RPL38: variants seen among roughly 807,000 people sequenced by gnomAD.
The protein encoded by RPL38 is ribosomal protein L38, also known as large ribosomal subunit protein eL38.
A neutral mutation model predicts 12.8 loss-of-function variants in RPL38; 2 were observed. The ratio of observed to expected loss-of-function variants is 0.16; its 90% confidence interval spans 0.06 to 0.49. The LOEUF (loss-of-function observed/expected upper bound fraction) is 0.49. RPL38 is among the 20% of genes least tolerant of loss of function. The probability of loss-of-function intolerance (pLI) is 0.96; values close to 1 mark genes in which losing one functional copy is unlikely to be tolerated. For missense variants in RPL38, 52 were observed against 79.8 expected (o/e 0.65, Z 1.33); for synonymous variants, 42 against 30.1 (o/e 1.39, Z -1.29).
chr17:74,204,934 C>T (rs1251361221), intron 3 of RPL38: 1 of 152,250 alleles, frequency 6.6e-6, no homozygotes, highest in Non-Finnish European at 1.5e-5. Flanking sequence ...ATCCACCTGC[C>T]TCCGCCTCCC....
At position 74,208,718 on chromosome 17, in the gene RPL38, G is replaced by A. The variant is rs190206439; in HGVS notation, c.65-469G>A. ...TGGGAGGCCGAGGCCAGCGGATCAC[G>A]AGGTCCAGAGATTAAGACCATCCTG... On this transcript the variant is annotated intron_variant, in intron 3 of 4. Transcript: ENST00000311111. Among the ~76,000 whole-genome samples the A allele has an allele frequency of 6.6e-4, 100 of 152,286 alleles. No individual in the cohort carries two copies. The Middle Eastern group carries it at 0.017, about 26-fold the overall frequency.
chr17:74,207,953 G>A (rs776923207), intron 3 of RPL38, among the ~76,000 whole-genome samples: 3 of 152,234 alleles, frequency 2.0e-5, no homozygotes, highest in South Asian at 4.1e-4. Context: ...CAGGCAGCCC[G>A]TGCCTTGGGC....
Position 74,206,708 on chromosome 17 carries a change from CTTTTTT to C in RPL38, c.65-2462_65-2457del, listed in dbSNP as rs35333460. Reference sequence around the variant, plus strand: ...CAGAATTGCCTTCTGTTTTTTCTTTCTTTTTTTTTTTTTTTTTTTTTTGACATGGAA... The same window carrying C: ...CAGAATTGCCTTCTGTTTTTTCTTTCTTTTTTTTTTTTTTTTGACATGGAA... On this transcript the variant is annotated intron_variant, in intron 3 of 4. Transcript: ENST00000311111. Among the ~76,000 whole-genome samples, 679 of 101,586 alleles carry C rather than the reference CTTTTTT, an allele frequency of 6.7e-3. 4 individuals carry two copies. Among genetic ancestry groups the C allele is most frequent in the African/African-American group, 0.022 (578 of 25,710 alleles). 66.6% of individuals were successfully genotyped at this position (101,586 alleles called of 152,430 possible).
Position 74,209,176 on chromosome 17 carries a change from G to A in RPL38, c.65-11G>A. On this transcript the variant is annotated splice_polypyrimidine_tract_variant and intron_variant, in intron 3 of 4. Transcript: ENST00000311111. ...TGATACAATTTAATTCCTGATTCTG[G>A]TCTCCGGTAGCTGTCAAGATCAAGA... 6.2e-7 allele frequency: 1 copy of A among 1,612,910 alleles called. No individual in the cohort carries two copies. Among genetic ancestry groups the A allele is most frequent in the Admixed American group, 1.7e-5 (1 of 59,902 alleles).
chr17:74,209,776 T>C, intron 4 of RPL38, 28 bp from the exon 5 acceptor site: 2 of 1,609,288 alleles, frequency 1.2e-6, no homozygotes, highest in Non-Finnish European at 1.7e-6. Context: ...GTCTTCTGGA[T>C]GGCTTACTTT....
chr17:74,204,453 AGTAAATTGT>A, intron 3 of RPL38: 1 of 493,032 alleles, frequency 2.0e-6, no homozygotes, highest in Non-Finnish European at 3.6e-6. Context: ...CGTATAATAT[AGTAAATTGT>A]CGGAACGGAA....
intron 3 of RPL38, among the ~76,000 whole-genome samples, chr17:74,207,758 A>G (rs1325344026): frequency 6.6e-6 from 1 of 152,052 alleles, no homozygotes; most frequent in Non-Finnish European, 1.5e-5. Context: ...CACCCACCTC[A>G]GCCTCCCAAA....
rs2050133523 is a variant in RPL38 at position 74,208,306 on chromosome 17, T to C, written c.65-881T>C. On this transcript the variant is annotated intron_variant, in intron 3 of 4. Coordinates refer to ENST00000311111, the MANE Select transcript of RPL38 (RefSeq NM_000999.4). ...CTCACAGCAGCCAGATGGCCATGCA[T>C]TGATACTGCTAGTACATAACCAGAG... Among the ~76,000 whole-genome samples, 4 of 152,220 alleles carry C rather than the reference T, an allele frequency of 2.6e-5. No individual in the cohort carries two copies. The South Asian group carries it at 8.3e-4, about 32-fold the overall frequency.
Position 74,210,205 on chromosome 17 carries a change from A to G in RPL38, c.*376A>G. On this transcript the variant is annotated 3_prime_UTR_variant, in exon 5 of 5. Coordinates refer to ENST00000311111, the MANE Select transcript of RPL38 (RefSeq NM_000999.4). Reference sequence around the variant, plus strand: ...GTTTCACTGCCTGCCTCAGCCTCCCATAGTGCTGGGATTACAGGCATGAGC... The same window carrying G: ...GTTTCACTGCCTGCCTCAGCCTCCCGTAGTGCTGGGATTACAGGCATGAGC... 5.5e-6 allele frequency: 1 copy of G among 183,264 alleles called. No homozygotes were observed. The highest frequency in any genetic ancestry group is 1.1e-4 in the South Asian group (1 of 9,284). The allele number at this position is 183,264 out of a possible 1,614,324, so 11.4% of individuals were successfully genotyped here. A position where few individuals can be genotyped will look rare whatever the true frequency, so the allele number is the denominator to read the frequency against.
intron 3 of RPL38, among the ~76,000 whole-genome samples, chr17:74,206,454 C>G (rs922155613): frequency 1.3e-5 from 2 of 152,126 alleles, no homozygotes; most frequent in African/African-American, 4.8e-5. Flanking sequence ...TCAGTAAATA[C>G]ACATTGTTGA....
chr17:74,209,739 T>G, intron 4 of RPL38, 65 bp from the exon 5 acceptor site: 1 of 1,429,890 alleles, frequency 7.0e-7, no homozygotes, highest in Non-Finnish European at 9.8e-7. Context: ...AGTACAAAAT[T>G]TAGACAAGCA....
In RPL38 at chr17:74,209,257, G is replaced by C; in HGVS notation, c.135G>C (p.Leu45=). Residue 45 remains leucine (L), a synonymous_variant, in exon 4 of 5, where the codon CTG becomes CTC. Coordinates refer to ENST00000311111, the MANE Select transcript of RPL38 (RefSeq NM_000999.4). ...GATGCAGCAGATACCTTTACACCCT[G>C]GTCATCACTGACAAAGAGAAGGCAG... The part of the protein sequence containing the change: ...KVRCSRYLYT[L]VITDKEKAEK... 1 of 1,614,084 alleles carries C rather than the reference G, an allele frequency of 6.2e-7. No homozygotes were observed.
intron 3 of RPL38, chr17:74,204,734 C>T (rs2050096120): frequency 1.3e-5 from 2 of 152,598 alleles, no homozygotes; most frequent in Non-Finnish European, 2.9e-5. Flanking sequence ...GACAGTCTGG[C>T]TCTGTCGCCC....
chr17:74,204,460 T>C (rs1454977008), intron 3 of RPL38: 10 of 468,818 alleles, frequency 2.1e-5, no homozygotes, highest in South Asian at 9.9e-5. Context: ...TATAGTAAAT[T>C]GTCGGAACGG....
chr17:74,208,527 C>T (rs765914000), intron 3 of RPL38, among the ~76,000 whole-genome samples: 42 of 152,186 alleles, frequency 2.8e-4, no homozygotes, highest in Non-Finnish European at 6.0e-4. Flanking sequence ...CTCTTACTGG[C>T]CCAGAATGTC....
chr17:74,203,694 C>T lies in RPL38; in HGVS notation c.-90C>T, dbSNP rs979527779. 3.6e-5 allele frequency: 18 copies of T among 504,044 alleles called. No homozygotes were observed. The highest frequency in any genetic ancestry group is 4.6e-5 in the Non-Finnish European group (13 of 285,246). 31.2% of individuals were successfully genotyped at this position (504,044 alleles called of 1,614,324 possible). A position where few individuals can be genotyped will look rare whatever the true frequency, so the allele number is the denominator to read the frequency against. On this transcript the variant is annotated 5_prime_UTR_variant, in exon 1 of 5. Transcript: ENST00000311111. Reference sequence around the variant, plus strand: ...AGTCTCGTTCTTTTTCGTCCTTTTCCCCGGTTGCTGCTTGCTGTGAGTGTC... The same window carrying T: ...AGTCTCGTTCTTTTTCGTCCTTTTCTCCGGTTGCTGCTTGCTGTGAGTGTC...
At chr17:74,203,849 G>A (rs944596222) in intron 1 of RPL38, 69 bp from the exon 2 acceptor site, 5 of 1,371,048 alleles carry the variant, frequency 3.6e-6, no homozygotes, top group Non-Finnish European at 4.9e-6. Flanking sequence ...ATATTTCGGG[G>A]GAGAGCGGGA....
Position 74,209,804 on chromosome 17 carries a change from G to C in RPL38, c.188G>C (p.Gly63Ala). ...AEKLKQSLPP[G>A]LAVKELK ...CTTACTTTTGTCTCTTTCCCTCTAGGTTTGGCAGTGAAGGAACTGAAATGA... is the reference window on the plus strand; with the variant it reads ...CTTACTTTTGTCTCTTTCCCTCTAGCTTTGGCAGTGAAGGAACTGAAATGA... The change falls in exon 5 of 5, where the codon GGT (glycine) becomes GCT (alanine). Residue 63 changes from glycine to alanine, a missense_variant and splice_region_variant. Physicochemically the swap from Gly to Ala is moderately conservative, Grantham distance 60 (BLOSUM62 0). Coordinates refer to ENST00000311111, the MANE Select transcript of RPL38 (RefSeq NM_000999.4). 1 of 1,612,806 alleles carries C rather than the reference G, an allele frequency of 6.2e-7. No homozygotes were observed. Among genetic ancestry groups the C allele is most frequent in the Non-Finnish European group, 8.5e-7 (1 of 1,178,852 alleles).
chr17:74,205,663 C>CT (rs1322186036), intron 3 of RPL38: 2 of 152,340 alleles, frequency 1.3e-5, no homozygotes, highest in East Asian at 3.9e-4. Context: ...AAGCCCAACT[C>CT]TACCTGCAGG....
Sources: gnomAD v4.1 joint callset for allele counts (sites outside exome capture counted in the v4.1 genomes callset) on GRCh38, gnomAD v4.1.1 for gene constraint, MANE v1.5 for transcripts, NCBI Gene and HGNC (gene_info 2026-07-23, HGNC 2026-07-21) for gene names.